ERBB4: variants seen among roughly 807,000 people sequenced by gnomAD.
ERBB4 encodes the protein receptor tyrosine-protein kinase erbB-4.
ERBB4 carries 42 observed loss-of-function variants against 158.0 expected under a neutral mutation model. The ratio of observed to expected loss-of-function variants is 0.27; its 90% CI spans 0.21 to 0.34. ERBB4 has a LOEUF of 0.34. ERBB4 is among the 10% of genes least tolerant of loss of function. The pLI is 1.00. For missense variants in ERBB4, 1,333 were observed against 1,624.1 expected (o/e 0.82, Z 3.08); for synonymous variants, 583 against 558.7 (o/e 1.04, Z -0.61).
intron 9 of ERBB4, among the ~76,000 whole-genome samples, chr2:211,711,684 C>A (rs1388339449): frequency 6.6e-6 from 1 of 152,134 alleles, no homozygotes; most frequent in Non-Finnish European, 1.5e-5. Context: ...TTTTCTCAAG[C>A]TAATCCATTA....
At chr2:212,452,924 T>C (rs1474542168) in intron 1 of ERBB4, among the ~76,000 whole-genome samples, 2 of 152,196 alleles carry the variant, frequency 1.3e-5, no homozygotes, top group Non-Finnish European at 2.9e-5. Flanking sequence ...TTCTCAAAAC[T>C]GTATAATTTC....
chr2:211,430,175 A>G (rs895563880), intron 21 of ERBB4, among the ~76,000 whole-genome samples: 1 of 152,134 alleles, frequency 6.6e-6, no homozygotes, highest in Non-Finnish European at 1.5e-5. Context: ...ATATGACATG[A>G]GAATAACTGG....
At chr2:212,523,143 G>C (rs1194387880) in intron 1 of ERBB4, among the ~76,000 whole-genome samples, 1 of 151,924 alleles carries the variant, frequency 6.6e-6, no homozygotes, top group Non-Finnish European at 1.5e-5. Flanking sequence ...TTCCAAAGCT[G>C]ACTAATAAAG....
chr2:211,886,785 C>G (rs2078812754), intron 3 of ERBB4, among the ~76,000 whole-genome samples: 1 of 152,206 alleles, frequency 6.6e-6, no homozygotes. Flanking sequence ...CACATGCAGA[C>G]TGTCCTATTA....
intron 7 of ERBB4, among the ~76,000 whole-genome samples, chr2:211,714,512 A>G (rs965323864): frequency 2.0e-5 from 3 of 152,218 alleles, no homozygotes; most frequent in African/African-American, 7.2e-5. Context: ...GGGCCATAAA[A>G]CCCAAGAGGC....
Position 211,638,658 on chromosome 2 carries a change from T to G in ERBB4, c.1947-8064A>C, listed in dbSNP as rs374142252. 4.6e-5 allele frequency among the ~76,000 whole-genome samples: 7 copies of G among 152,188 alleles called. No individual in the cohort carries two copies. The East Asian group carries it at 7.7e-4, about 17-fold the overall frequency. On this transcript the variant is annotated intron_variant, in intron 16 of 27. Transcript: ENST00000342788. ...ATTTGAATGTTTTTTGACTCGGCTTTATGTGTTAAAATCAATCTTTTTTTC... is the reference window on the plus strand; with the variant it reads ...ATTTGAATGTTTTTTGACTCGGCTTGATGTGTTAAAATCAATCTTTTTTTC...
chr2:211,484,436 AAC>A (rs1054162281), intron 20 of ERBB4, among the ~76,000 whole-genome samples: 1 of 152,192 alleles, frequency 6.6e-6, no homozygotes, highest in Non-Finnish European at 1.5e-5. Flanking sequence ...TAGGTTAGAT[AAC>A]ACTTCTATAT....
intron 1 of ERBB4, among the ~76,000 whole-genome samples, chr2:212,201,187 A>C (rs1456343134): frequency 6.6e-6 from 1 of 152,080 alleles, no homozygotes; most frequent in Non-Finnish European, 1.5e-5. Context: ...TAATTACCCT[A>C]TATTTGTTGA....
intron 1 of ERBB4, among the ~76,000 whole-genome samples, chr2:212,227,223 C>T (rs562330686): frequency 7.4e-4 from 104 of 140,876 alleles, no homozygotes; most frequent in African/African-American, 2.2e-3. Context: ...CCAGCATGGG[C>T]GACAGAATGA....
intron 14 of ERBB4, among the ~76,000 whole-genome samples, chr2:211,670,068 G>T (rs2071780445): frequency 6.6e-6 from 1 of 152,150 alleles, no homozygotes; most frequent in African/African-American, 2.4e-5. Flanking sequence ...TTTCCAAATG[G>T]CTTTGATGAC....
At chr2:212,177,147 A>G (rs2081692878) in intron 1 of ERBB4, among the ~76,000 whole-genome samples, 1 of 151,842 alleles carries the variant, frequency 6.6e-6, no homozygotes, top group South Asian at 2.1e-4. Flanking sequence ...TTGTCAGTCT[A>G]TTTACAACTA....
intron 1 of ERBB4, among the ~76,000 whole-genome samples, chr2:212,367,172 C>T (rs2089919921): frequency 6.6e-6 from 1 of 152,008 alleles, no homozygotes; most frequent in Non-Finnish European, 1.5e-5. Context: ...AAGGAGAGTC[C>T]TCAGAACAAA....
At chr2:211,632,107 G>A (rs546022760) in intron 16 of ERBB4, among the ~76,000 whole-genome samples, 116 of 152,068 alleles carry the variant, frequency 7.6e-4, no homozygotes, top group Middle Eastern at 6.8e-3. Context: ...TCATCCTAAA[G>A]GTTGTTTCCT....
chr2:211,494,891 G>C (rs1245261263), intron 20 of ERBB4, among the ~76,000 whole-genome samples: 1 of 152,040 alleles, frequency 6.6e-6, no homozygotes, highest in Non-Finnish European at 1.5e-5. Context: ...TTCCTAATAG[G>C]AAATATGCCA....
At chr2:212,095,408 T>A (rs1396175362) in intron 2 of ERBB4, among the ~76,000 whole-genome samples, 1 of 152,230 alleles carries the variant, frequency 6.6e-6, no homozygotes, top group Non-Finnish European at 1.5e-5. Flanking sequence ...CAGAAAGTTC[T>A]ACGATTCTAA....
chr2:211,806,959 T>C (rs1368443588), intron 3 of ERBB4, among the ~76,000 whole-genome samples: 2 of 152,162 alleles, frequency 1.3e-5, no homozygotes, highest in Non-Finnish European at 2.9e-5. Flanking sequence ...TTAAACAATA[T>C]TGTTTAAAAG....
At chr2:212,004,781 T>A (rs564063928) in intron 2 of ERBB4, among the ~76,000 whole-genome samples, 2 of 152,180 alleles carry the variant, frequency 1.3e-5, no homozygotes, top group African/African-American at 4.8e-5. Flanking sequence ...AATATTTGAT[T>A]TATATTATAA....
At chr2:212,062,319 T>C (rs1455824478) in intron 2 of ERBB4, among the ~76,000 whole-genome samples, 1 of 151,198 alleles carries the variant, frequency 6.6e-6, no homozygotes, top group Non-Finnish European at 1.5e-5. Context: ...TATACTAACT[T>C]AAATGGAATC....
intron 2 of ERBB4, among the ~76,000 whole-genome samples, chr2:212,121,803 T>G (rs1483230514): frequency 3.9e-5 from 6 of 152,160 alleles, no homozygotes; most frequent in Non-Finnish European, 8.8e-5. Context: ...TAACTCTGAT[T>G]CAGGGGCTTC....
Sources: gnomAD v4.1 joint callset for allele counts (sites outside exome capture counted in the v4.1 genomes callset) on GRCh38, gnomAD v4.1.1 for gene constraint, MANE v1.5 for transcripts, NCBI Gene and HGNC (gene_info 2026-07-23, HGNC 2026-07-21) for gene names.